Variants in ZFR observed in about 807,000 individuals in gnomAD.
ZFR encodes zinc finger RNA-binding protein.
Under a neutral mutation model 130.7 loss-of-function variants are expected in ZFR, and 19 were observed. That is an observed-to-expected ratio of 0.15 (90% CI 0.10 to 0.21). The LOEUF is 0.21. Ranked by LOEUF, ZFR falls within the 10% of genes least tolerant of loss-of-function variation. ZFR has a pLI of 1.00. For synonymous variants in ZFR, 466 were observed against 456.9 expected (o/e 1.02, Z -0.25); for missense variants, 872 against 1,321.5 (o/e 0.66, Z 5.27).
intron 2 of ZFR, among the ~76,000 whole-genome samples, chr5:32,429,909 A>G (rs1453042327): frequency 6.6e-6 from 1 of 151,984 alleles, no homozygotes; most frequent in Non-Finnish European, 1.5e-5. Context: ...CCTTTAAAAA[A>G]AAATTTTTTT....
rs57361923 is a variant in ZFR, at chr5:32,376,970, G to GAAA, written c.2835+2142_2835+2144dup. Among the ~76,000 whole-genome samples the GAAA allele has an allele frequency of 5.4e-4, 78 of 144,594 alleles. 1 individual carries two copies. Among genetic ancestry groups the GAAA allele is most frequent in the East Asian group, 4.5e-3 (21 of 4,642 alleles). The allele number at this position is 144,594 out of a possible 152,430, so 94.9% of individuals were successfully genotyped here. A position where few individuals can be genotyped will look rare whatever the true frequency, so the allele number is the denominator to read the frequency against. Reference sequence around the variant, plus strand: ...CTCCAGCCTGGGCGACAAGCTGTCTGAAAAAAAACCCCTGTCTCTACTAAA... The same window carrying GAAA: ...CTCCAGCCTGGGCGACAAGCTGTCTGAAAAAAAAAAACCCCTGTCTCTACTAAA... On this transcript the variant is annotated intron_variant, in intron 17 of 19. Transcript: ENST00000265069.
intron 10 of ZFR, among the ~76,000 whole-genome samples, chr5:32,396,479 G>C (rs1753315269): frequency 6.6e-6 from 1 of 152,058 alleles, no homozygotes; most frequent in Non-Finnish European, 1.5e-5. Flanking sequence ...GGTGGCTCAC[G>C]CATGTAATCC....
intron 2 of ZFR, among the ~76,000 whole-genome samples, 167 bp downstream of exon 2, chr5:32,444,057 AGGCGG>A (rs375370062): frequency 0.42 from 58,257 of 139,194 alleles, 12,021 homozygotes; most frequent in East Asian, 0.57. Context: ...GGGCCGGGCA[AGGCGG>A]GGCGGGGCGG....
At chr5:32,392,599 G>A (rs1364503872) in intron 11 of ZFR, among the ~76,000 whole-genome samples, 3 of 152,150 alleles carry the variant, frequency 2.0e-5, no homozygotes, top group Non-Finnish European at 2.9e-5. Flanking sequence ...ACATTTAATT[G>A]GTAGAGATTT....
At chr5:32,377,050 G>A (rs1375991419) in intron 17 of ZFR, among the ~76,000 whole-genome samples, 2 of 149,988 alleles carry the variant, frequency 1.3e-5, no homozygotes, top group Non-Finnish European at 3.0e-5. Flanking sequence ...CCAGCTACTC[G>A]GAGGCTGAGG....
chr5:32,390,822 C>T (rs907615544), intron 11 of ZFR, among the ~76,000 whole-genome samples: 1 of 152,208 alleles, frequency 6.6e-6, no homozygotes, highest in Non-Finnish European at 1.5e-5. Flanking sequence ...AAGAAACATG[C>T]TCTTTCCTAT....
Position 32,388,515 on chromosome 5 carries a change from T to C in ZFR, c.2302A>G (p.Asn768Asp), listed in dbSNP as rs1465363340. ...TTATCATCTCCCTCTTTGTTCTTGT[T>C]CTTCTCATGTTCAGACAAACTGTCT... ...VSDSLSEHEK[N>D]KNKEGDDKKE... Residue 768 changes from asparagine to aspartate, a missense_variant, in exon 13 of 20, where the codon AAC becomes GAC. Coordinates refer to ENST00000265069, the MANE Select transcript of ZFR (RefSeq NM_016107.5). The C allele has an allele frequency of 6.2e-7, 1 of 1,614,046 alleles. No homozygotes were observed.
chr5:32,380,879 A>G (rs1006930067), intron 15 of ZFR, among the ~76,000 whole-genome samples: 1 of 151,404 alleles, frequency 6.6e-6, no homozygotes, highest in African/African-American at 2.4e-5. Context: ...TTAACTCCTG[A>G]CCTCAAGTGA....
At position 32,403,944 on chromosome 5, in the gene ZFR, C is replaced by T. The variant is rs1156411864; in HGVS notation, c.1186G>A (p.Ala396Thr). Residue 396 changes from alanine (A) to threonine (T), a missense_variant, in exon 7 of 20, where the codon GCG becomes ACG. This residue lies in a region of ZFR where 21 missense variants were observed against 54.4 expected (regional missense o/e 0.39). Coordinates refer to ENST00000265069, the MANE Select transcript of ZFR (RefSeq NM_016107.5). ...LCDVSCTGAD[A>T]YAAHIRGAKH... Reference sequence around the variant, plus strand: ...GCACCACGAATGTGGGCAGCATACGCATCTGCTCCTGTACAAGACACATCG... The same window carrying T: ...GCACCACGAATGTGGGCAGCATACGTATCTGCTCCTGTACAAGACACATCG... The T allele has an allele frequency of 6.2e-7, 1 of 1,608,516 alleles. No individual in the cohort carries two copies. The highest frequency in any genetic ancestry group is 8.5e-7 in the Non-Finnish European group (1 of 1,177,476).
At chr5:32,398,069 G>A (rs930309239) in intron 9 of ZFR, among the ~76,000 whole-genome samples, 3 of 151,122 alleles carry the variant, frequency 2.0e-5, no homozygotes, top group African/African-American at 7.3e-5. Flanking sequence ...TGTTAGCCAG[G>A]ATGGTCTTGA....
intron 6 of ZFR, among the ~76,000 whole-genome samples, chr5:32,406,041 G>A (rs1753574450): frequency 1.3e-5 from 2 of 152,108 alleles, no homozygotes; most frequent in African/African-American, 4.8e-5. Flanking sequence ...CCTTTTATCT[G>A]CCAAGCTGTT....
At chr5:32,424,315 G>A (rs536301397) in intron 2 of ZFR, among the ~76,000 whole-genome samples, 23 of 152,326 alleles carry the variant, frequency 1.5e-4, no homozygotes, top group Admixed American at 1.2e-3. Flanking sequence ...AGGCCGAGGT[G>A]GGTGGATCAC....
intron 8 of ZFR, among the ~76,000 whole-genome samples, chr5:32,401,364 G>A (rs191404511): frequency 4.6e-5 from 7 of 152,156 alleles, no homozygotes; most frequent in East Asian, 1.9e-4. Context: ...TGAATATTGC[G>A]GAAATTTAGA....
chr5:32,388,389 T>G, intron 13 of ZFR, 80 bp downstream of exon 13: 1 of 1,330,210 alleles, frequency 7.5e-7, no homozygotes, highest in South Asian at 1.3e-5. Flanking sequence ...GAGTTACCAG[T>G]CATAAGCTAT....
intron 15 of ZFR, among the ~76,000 whole-genome samples, chr5:32,382,544 A>G (rs1365322859): frequency 6.8e-6 from 1 of 147,090 alleles, no homozygotes; most frequent in Non-Finnish European, 1.5e-5. Flanking sequence ...TGTTTTGCAC[A>G]TAAGCATTCA....
chr5:32,395,007 A>G (rs1392365419), intron 11 of ZFR, 152 bp downstream of exon 11: 2 of 1,086,390 alleles, frequency 1.8e-6, no homozygotes, highest in South Asian at 3.0e-5. Context: ...ATTTTAATGC[A>G]TGTCTTTCCT....
intron 4 of ZFR, among the ~76,000 whole-genome samples, chr5:32,416,438 A>C (rs1753826767): frequency 6.6e-6 from 1 of 152,006 alleles, no homozygotes; most frequent in Non-Finnish European, 1.5e-5. Context: ...AACATGGAGA[A>C]ACCCTGTCTC....
In ZFR at chr5:32,390,203, T is replaced by A. The variant is rs553604597; in HGVS notation, c.2142+72A>T. On this transcript the variant is annotated intron_variant, in intron 12 of 19. Coordinates refer to ENST00000265069, the MANE Select transcript of ZFR (RefSeq NM_016107.5). Reference sequence around the variant, plus strand: ...ATTATTAAGTCTAAACATTAGCCCCTCCAAAATTGTTTTCTTCTAATGCTG... The same window carrying A: ...ATTATTAAGTCTAAACATTAGCCCCACCAAAATTGTTTTCTTCTAATGCTG... 9.8e-6 allele frequency: 15 copies of A among 1,529,228 alleles called. No individual in the cohort carries two copies. The South Asian group carries it at 1.8e-4, about 19-fold the overall frequency. The allele number at this position is 1,529,228 out of a possible 1,614,324, so 94.7% of individuals were successfully genotyped here.
intron 6 of ZFR, among the ~76,000 whole-genome samples, chr5:32,404,902 C>T (rs552404795): frequency 1.3e-5 from 2 of 152,198 alleles, no homozygotes; most frequent in East Asian, 1.9e-4. Context: ...CCGCAATCTC[C>T]ACCTCCCAGG....
Sources: allele counts gnomAD v4.1 joint callset (sites outside exome capture counted in the v4.1 genomes callset), GRCh38; gene constraint gnomAD v4.1.1; regional missense constraint gnomAD v4.1.1; transcripts MANE v1.5; gene names NCBI Gene and HGNC (gene_info 2026-07-23, HGNC 2026-07-21).